EFCAB11: variants seen among roughly 807,000 people sequenced by gnomAD.
EFCAB11 encodes the protein EF-hand calcium-binding domain-containing protein 11.
A neutral mutation model predicts 23.0 loss-of-function variants in EFCAB11; 14 were observed. That is an observed-to-expected ratio of 0.61 (90% CI 0.40 to 0.95). The LOEUF (loss-of-function observed/expected upper bound fraction) is 0.95, where lower values mean the gene tolerates loss of function less well. Ranked by LOEUF, EFCAB11 falls within the 40% of genes least tolerant of loss-of-function variation. The probability of loss-of-function intolerance (pLI) is 0.00; values close to 1 mark genes in which losing one functional copy is unlikely to be tolerated. For missense variants in EFCAB11, 198 were observed against 195.8 expected, an observed-to-expected ratio of 1.01 and a Z score of -0.07; for synonymous variants, 65 against 66.6, an observed-to-expected ratio of 0.98 and a Z score of 0.11.
chr14:89,894,299 G>T (rs1438132108), intron 5 of EFCAB11, among the ~76,000 whole-genome samples: 2 of 151,786 alleles, frequency 1.3e-5, no homozygotes, highest in Non-Finnish European at 2.9e-5. Context: ...TGCGGAACGT[G>T]CAGGTTTGTT....
chr14:89,923,041 C>A (rs1890070189), intron 5 of EFCAB11, among the ~76,000 whole-genome samples: 1 of 152,172 alleles, frequency 6.6e-6, no homozygotes, highest in African/African-American at 2.4e-5. Flanking sequence ...TCCTTCCAAT[C>A]TAATAATATA....
At chr14:89,843,829 T>G (rs1376214408) in intron 5 of EFCAB11, among the ~76,000 whole-genome samples, 1 of 152,208 alleles carries the variant, frequency 6.6e-6, no homozygotes, top group Non-Finnish European at 1.5e-5. Flanking sequence ...ATAAAAACCA[T>G]ATTTAATATC....
chr14:89,883,645 C>T (rs1324860336), intron 5 of EFCAB11, among the ~76,000 whole-genome samples: 1 of 152,016 alleles, frequency 6.6e-6, no homozygotes, highest in Admixed American at 6.5e-5. Context: ...ATTTTCTGTC[C>T]TCAGTTGGTT....
At chr14:89,879,496 CA>C (rs544779789) in intron 5 of EFCAB11, among the ~76,000 whole-genome samples, 5 of 145,224 alleles carry the variant, frequency 3.4e-5, no homozygotes, top group South Asian at 4.4e-4. Flanking sequence ...GTAAGCTACA[CA>C]AAAAAAAACA....
chr14:89,854,428 A>G (rs1026383714), intron 5 of EFCAB11, among the ~76,000 whole-genome samples: 2 of 152,118 alleles, frequency 1.3e-5, no homozygotes, highest in Non-Finnish European at 2.9e-5. Flanking sequence ...ATACTAAGCT[A>G]TAAAGACAGC....
intron 5 of EFCAB11, among the ~76,000 whole-genome samples, chr14:89,808,886 A>G (rs2140086134): frequency 6.6e-6 from 1 of 152,316 alleles, no homozygotes; most frequent in Non-Finnish European, 1.5e-5. Flanking sequence ...GAGGAGTGTG[A>G]ATATGGGCAA....
chr14:89,879,512 C>T (rs2140173621), intron 5 of EFCAB11, among the ~76,000 whole-genome samples: 1 of 151,910 alleles, frequency 6.6e-6, no homozygotes, highest in Middle Eastern at 3.4e-3. Flanking sequence ...AAAACATAAA[C>T]ATGCCACCCC....
At chr14:89,874,314 ATT>A (rs963868204) in intron 5 of EFCAB11, among the ~76,000 whole-genome samples, 1 of 151,972 alleles carries the variant, frequency 6.6e-6, no homozygotes, top group African/African-American at 2.4e-5. Context: ...CCACAAAACC[ATT>A]TTTTCCTCCT....
intron 5 of EFCAB11, among the ~76,000 whole-genome samples, chr14:89,805,689 T>C (rs922975122): frequency 2.0e-5 from 3 of 152,038 alleles, no homozygotes; most frequent in South Asian, 4.1e-4. Flanking sequence ...AAACCATGCC[T>C]GAAGCCTCCC....
At chr14:89,842,353 C>T (rs1348648582) in intron 5 of EFCAB11, among the ~76,000 whole-genome samples, 1 of 152,182 alleles carries the variant, frequency 6.6e-6, no homozygotes, top group Non-Finnish European at 1.5e-5. Context: ...CTTTGGGAGG[C>T]CGAGGCAGGT....
At chr14:89,895,976 A>G (rs1453958918) in intron 5 of EFCAB11, among the ~76,000 whole-genome samples, 1 of 152,250 alleles carries the variant, frequency 6.6e-6, no homozygotes, top group Non-Finnish European at 1.5e-5. Flanking sequence ...ATGAACAGGT[A>G]TGTCACAGAG....
intron 5 of EFCAB11, among the ~76,000 whole-genome samples, chr14:89,918,146 A>T (rs1289803973): frequency 6.6e-6 from 1 of 152,164 alleles, no homozygotes; most frequent in Non-Finnish European, 1.5e-5. Context: ...GGAATGGCTG[A>T]TGGAGAAATG....
chr14:89,950,538 T>C (rs559478106), intron 2 of EFCAB11, among the ~76,000 whole-genome samples: 1 of 152,078 alleles, frequency 6.6e-6, no homozygotes, highest in Non-Finnish European at 1.5e-5. Context: ...AAGTATCACA[T>C]GATTGATGTA....
At chr14:89,880,181 A>G (rs1187351756) in intron 5 of EFCAB11, among the ~76,000 whole-genome samples, 4 of 152,174 alleles carry the variant, frequency 2.6e-5, no homozygotes, top group African/African-American at 7.2e-5. Flanking sequence ...TGGGGCCTTC[A>G]TAAGAGTAGG....
At chr14:89,933,323 G>A (rs1005460408) in intron 3 of EFCAB11, among the ~76,000 whole-genome samples, 7 of 152,152 alleles carry the variant, frequency 4.6e-5, no homozygotes, top group Admixed American at 6.5e-5. Flanking sequence ...TTTAAAGAGC[G>A]AAGCCAAGAA....
intron 5 of EFCAB11, among the ~76,000 whole-genome samples, chr14:89,882,254 ATAC>A (rs1888624460): frequency 2.6e-5 from 4 of 152,354 alleles, no homozygotes; most frequent in Admixed American, 2.0e-4. Flanking sequence ...AGAGGTTCAA[ATAC>A]TACCTTGTCT....
At chr14:89,879,530 A>C (rs886286156) in intron 5 of EFCAB11, among the ~76,000 whole-genome samples, 1 of 152,154 alleles carries the variant, frequency 6.6e-6, no homozygotes, top group Non-Finnish European at 1.5e-5. Flanking sequence ...CCCTCCAAAA[A>C]AAAAATCAAG....
intron 5 of EFCAB11, among the ~76,000 whole-genome samples, chr14:89,917,604 T>G (rs766228034): frequency 6.6e-6 from 1 of 152,188 alleles, no homozygotes; most frequent in Non-Finnish European, 1.5e-5. Context: ...ACTCCATCAT[T>G]ATCATTACTA....
At chr14:89,868,072 C>T (rs893224609) in intron 5 of EFCAB11, among the ~76,000 whole-genome samples, 3 of 152,212 alleles carry the variant, frequency 2.0e-5, no homozygotes, top group Non-Finnish European at 4.4e-5. Context: ...GATTCAGCTT[C>T]CCAATCATTT....
Sources: gnomAD v4.1 joint callset for allele counts (sites outside exome capture counted in the v4.1 genomes callset) on GRCh38, gnomAD v4.1.1 for gene constraint, MANE v1.5 for transcripts, NCBI Gene and HGNC (gene_info 2026-07-23, HGNC 2026-07-21) for gene names.